TLL2: variants seen among roughly 807,000 people sequenced by gnomAD.
TLL2 encodes the protein tolloid like 2.
A neutral mutation model predicts 123.0 loss-of-function variants in TLL2; 106 were observed. The ratio of observed to expected loss-of-function variants is 0.86; its 90% confidence interval spans 0.74 to 1.01. TLL2 has a LOEUF of 1.01. Ranked by LOEUF, TLL2 falls within the 50% of genes least tolerant of loss-of-function variation. The pLI is 0.00. For missense variants in TLL2, 1,332 were observed against 1,336.7 expected (o/e 1.00, Z 0.06); for synonymous variants, 494 against 516.8 (o/e 0.96, Z 0.60).
chr10:96,478,548 G>GC (rs1318595178), intron 2 of TLL2, among the ~76,000 whole-genome samples: 2 of 152,218 alleles, frequency 1.3e-5, no homozygotes, highest in East Asian at 3.9e-4. Flanking sequence ...GACTGCAGCA[G>GC]CTTTATTTAT....
intron 10 of TLL2, among the ~76,000 whole-genome samples, chr10:96,402,545 G>A (rs1846406328): frequency 6.6e-6 from 1 of 152,160 alleles, no homozygotes; most frequent in Non-Finnish European, 1.5e-5. Flanking sequence ...CCTCCTTCTG[G>A]CTGCTAGAGA....
chr10:96,513,926 T>TGGCGGTGGC (rs1943558061), upstream of TLL2: 8 of 492,280 alleles, frequency 1.6e-5, 1 homozygote, highest in East Asian at 3.6e-5. Flanking sequence ...GCTGCGAGTG[T>TGGCGGTGGC]GGCGGTGGCG....
intron 6 of TLL2, among the ~76,000 whole-genome samples, chr10:96,421,642 T>C (rs1589418528): frequency 7.1e-6 from 1 of 140,086 alleles, no homozygotes; most frequent in African/African-American, 2.7e-5. Context: ...CCAGCCTGGG[T>C]GACAGAGCAA....
Position 96,372,297 on chromosome 10 carries a change from GA to G in TLL2, c.2662+1298del, listed in dbSNP as rs1215319570. ...GACCTAATTTATATTTTCCGGTACT[GA>G]AAAAAAACTGGAGGTAGAGGCTGTT... On this transcript the variant is annotated intron_variant, in intron 19 of 20. Transcript: ENST00000357947. Among the ~76,000 whole-genome samples, 7 of 151,946 alleles carry G rather than the reference GA, an allele frequency of 4.6e-5. No individual in the cohort carries two copies. In the East Asian group the frequency reaches 1.2e-3, roughly 25 times the overall value.
chr10:96,470,750 C>T (rs1186363467), intron 2 of TLL2, among the ~76,000 whole-genome samples: 1 of 152,318 alleles, frequency 6.6e-6, no homozygotes, highest in South Asian at 2.1e-4. Context: ...CAACAGCTTA[C>T]TTACCTCTCT....
intron 1 of TLL2, among the ~76,000 whole-genome samples, chr10:96,499,548 C>T (rs1847511289): frequency 1.3e-5 from 2 of 152,162 alleles, no homozygotes; most frequent in Admixed American, 1.3e-4. Flanking sequence ...TAACTTGGGT[C>T]TGTTACTAGC....
At chr10:96,410,780 A>G (rs895606774) in intron 8 of TLL2, 1 of 460,742 alleles carries the variant, frequency 2.2e-6, no homozygotes, top group Non-Finnish European at 4.1e-6. Context: ...GACTTGCTGG[A>G]CCTTAGTTTT....
At chr10:96,404,121 A>G (rs61858922) in intron 10 of TLL2, among the ~76,000 whole-genome samples, 18,639 of 149,890 alleles carry the variant, frequency 0.12, 1,182 homozygotes, top group African/African-American at 0.14. Flanking sequence ...ACCGGTGCCG[A>G]TGCAGGTCCT....
intron 13 of TLL2, among the ~76,000 whole-genome samples, chr10:96,394,876 T>C (rs1196737112): frequency 6.6e-6 from 1 of 152,260 alleles, no homozygotes; most frequent in Admixed American, 6.5e-5. Context: ...CAATTAATGA[T>C]AGCTGCTATC....
intron 10 of TLL2, among the ~76,000 whole-genome samples, chr10:96,401,508 A>G (rs1846394070): frequency 6.7e-6 from 1 of 150,082 alleles, no homozygotes; most frequent in Admixed American, 6.6e-5. Context: ...CACTCTACAC[A>G]CACACACACA....
chr10:96,442,867 G>A (rs1846863035), intron 3 of TLL2, among the ~76,000 whole-genome samples: 1 of 152,222 alleles, frequency 6.6e-6, no homozygotes, highest in African/African-American at 2.4e-5. Context: ...TCCTGGAGGT[G>A]GAGGTGGAAG....
chr10:96,400,892 T>C (rs1306017609), intron 10 of TLL2, among the ~76,000 whole-genome samples: 1 of 152,206 alleles, frequency 6.6e-6, no homozygotes, highest in Non-Finnish European at 1.5e-5. Context: ...ATATCATAAG[T>C]GACCCCCAAA....
intron 13 of TLL2, among the ~76,000 whole-genome samples, chr10:96,389,351 T>C (rs908892000): frequency 6.6e-6 from 1 of 151,716 alleles, no homozygotes; most frequent in African/African-American, 2.4e-5. Flanking sequence ...AGCAGCAGAG[T>C]TGCTTTCAAA....
At chr10:96,390,104 C>T (rs1846272178) in intron 13 of TLL2, among the ~76,000 whole-genome samples, 2 of 152,256 alleles carry the variant, frequency 1.3e-5, no homozygotes, top group African/African-American at 4.8e-5. Flanking sequence ...CTGGAAGCAG[C>T]ATTCAGCTTA....
At chr10:96,511,855 G>A (rs572384614) in intron 1 of TLL2, among the ~76,000 whole-genome samples, 1 of 152,338 alleles carries the variant, frequency 6.6e-6, no homozygotes, top group Admixed American at 6.5e-5. Flanking sequence ...AAGTGGGGGA[G>A]GTGGTCCAGC....
At chr10:96,445,028 A>G (rs946504138) in intron 3 of TLL2, among the ~76,000 whole-genome samples, 4 of 152,096 alleles carry the variant, frequency 2.6e-5, no homozygotes, top group Non-Finnish European at 4.4e-5. Context: ...TCTCTACTAA[A>G]AATACAAAAC....
chr10:96,388,360 C>T (rs1846257092), intron 13 of TLL2, among the ~76,000 whole-genome samples: 1 of 152,060 alleles, frequency 6.6e-6, no homozygotes, highest in Admixed American at 6.5e-5. Context: ...GAGATTGCGC[C>T]ACTGCACTCC....
rs1201594389 is a variant in TLL2, at chr10:96,446,131, G to A, written c.324C>T (p.Asp108=). The A allele has an allele frequency of 3.7e-6, 6 of 1,614,160 alleles. No homozygotes were observed. Among genetic ancestry groups the A allele is most frequent in the Non-Finnish European group, 5.1e-6 (6 of 1,180,024 alleles). ...LEEQASESSP[D]TTAMDTGTKE... Reference sequence around the variant, plus strand: ...TGGTGCCAGTGTCCATGGCTGTGGTGTCTGGGCTGCTCTCAGATGCCTGCT... The same window carrying A: ...TGGTGCCAGTGTCCATGGCTGTGGTATCTGGGCTGCTCTCAGATGCCTGCT... The change falls in exon 3 of 21, where the codon GAC becomes GAT. Residue 108 remains aspartate, a synonymous_variant. Transcript: ENST00000357947.
chr10:96,384,905 G>T, intron 15 of TLL2, 138 bp from the exon 16 acceptor site: 1 of 817,652 alleles, frequency 1.2e-6, no homozygotes, highest in Non-Finnish European at 1.7e-6. Flanking sequence ...TTGCTACGCC[G>T]GTTATTTGAA....
Sources: allele counts gnomAD v4.1 joint callset (sites outside exome capture counted in the v4.1 genomes callset), GRCh38; gene constraint gnomAD v4.1.1; transcripts MANE v1.5; gene names NCBI Gene and HGNC (gene_info 2026-07-23, HGNC 2026-07-21).